The following SVIL variants were observed in gnomAD, a reference collection of about 807,000 sequenced individuals.
SVIL encodes the protein archvillin.
A neutral mutation model predicts 240.4 loss-of-function variants in SVIL; 101 were observed. That is an observed-to-expected ratio of 0.42 (90% CI 0.36 to 0.50). The LOEUF is 0.50. Among genes scored for constraint, SVIL ranks in the 20% least tolerant of loss-of-function variants. SVIL has a pLI of 0.01. For missense variants in SVIL, 2,512 were observed against 2,818.7 expected (o/e 0.89, Z 2.46); for synonymous variants, 999 against 1,100.0 (o/e 0.91, Z 1.82).
intron 22 of SVIL, 28 bp from the exon 23 acceptor site, chr10:29,488,784 C>G (rs372899788): frequency 1.3e-6 from 2 of 1,598,860 alleles, no homozygotes; most frequent in African/African-American, 1.3e-5. Context: ...GGAAACACAA[C>G]GCAGGAGGTT....
chr10:29,566,898 C>T (rs371171350), intron 2 of SVIL, among the ~76,000 whole-genome samples: 1 of 152,314 alleles, frequency 6.6e-6, no homozygotes, highest in East Asian at 1.9e-4. Flanking sequence ...CAGGGTCAAC[C>T]TCTGCAGGCC....
chr10:29,524,749 C>A, intron 13 of SVIL, 34 bp from the exon 14 acceptor site: 1 of 1,607,158 alleles, frequency 6.2e-7, no homozygotes, highest in South Asian at 1.1e-5. Context: ...ACACATATAC[C>A]AACAAACAAA....
At chr10:29,705,177 G>T (rs555697459) in intron 1 of SVIL, among the ~76,000 whole-genome samples, 2 of 152,248 alleles carry the variant, frequency 1.3e-5, no homozygotes, top group East Asian at 3.9e-4. Context: ...CCTCCAATTT[G>T]CAACTTTCCC....
chr10:29,487,340 C>T lies in SVIL; in HGVS notation c.4349-41G>A, dbSNP rs3818541. Reference sequence around the variant, plus strand: ...ACAGTCACCGTCTTTCCAGACAGAACGGGGATAGGACGCACCCCATATCGG... The same window carrying T: ...ACAGTCACCGTCTTTCCAGACAGAATGGGGATAGGACGCACCCCATATCGG... On this transcript the variant is annotated intron_variant, in intron 23 of 37. Coordinates refer to ENST00000355867, the MANE Select transcript of SVIL (RefSeq NM_021738.3). 2.3e-4 allele frequency: 369 copies of T among 1,611,888 alleles called. 2 individuals carry two copies. In the East Asian group the frequency reaches 5.8e-3, roughly 25 times the overall value.
chr10:29,504,467 T>A (rs563287047), intron 17 of SVIL, among the ~76,000 whole-genome samples: 1 of 152,124 alleles, frequency 6.6e-6, no homozygotes, highest in African/African-American at 2.4e-5. Flanking sequence ...ACCCCAAATA[T>A]ACAAAGAACT....
rs541167088 is a variant in SVIL at position 29,629,429 on chromosome 10, A to G, written c.-201+4991T>C. 1.8e-3 allele frequency among the ~76,000 whole-genome samples: 276 copies of G among 152,200 alleles called. 3 individuals are homozygous for G. Among genetic ancestry groups the G allele is most frequent in the Non-Finnish European group, 6.3e-4 (43 of 68,008 alleles). On this transcript the variant is annotated intron_variant, in intron 1 of 37. Coordinates refer to ENST00000355867, the MANE Select transcript of SVIL (RefSeq NM_021738.3). Reference sequence around the variant, plus strand: ...GCATCACCTGGATCCTGTTTGTTGAATCTCTAAGTCCAGTGCAGACCTACT... The same window carrying G: ...GCATCACCTGGATCCTGTTTGTTGAGTCTCTAAGTCCAGTGCAGACCTACT...
At chr10:29,472,854 G>A (rs1467405661) in intron 30 of SVIL, among the ~76,000 whole-genome samples, 3 of 152,166 alleles carry the variant, frequency 2.0e-5, no homozygotes, top group Non-Finnish European at 4.4e-5. Context: ...TTTAGGTGGT[G>A]GGAAGTGCTG....
At chr10:29,630,511 C>T (rs1958044396) in intron 1 of SVIL, among the ~76,000 whole-genome samples, 1 of 152,112 alleles carries the variant, frequency 6.6e-6, no homozygotes, top group Non-Finnish European at 1.5e-5. Flanking sequence ...CAAACTGCTC[C>T]TGAGATGTGT....
At chr10:29,610,459 T>C (rs1957202090) in intron 1 of SVIL, among the ~76,000 whole-genome samples, 1 of 151,376 alleles carries the variant, frequency 6.6e-6, no homozygotes, top group Non-Finnish European at 1.5e-5. Flanking sequence ...TTTTTTTTTT[T>C]TTTTTTTTGA....
intron 2 of SVIL, among the ~76,000 whole-genome samples, chr10:29,683,494 C>G (rs1960821344): frequency 6.6e-6 from 1 of 152,290 alleles, no homozygotes; most frequent in Non-Finnish European, 1.5e-5. Flanking sequence ...GTCTGATTCG[C>G]CCTTCCCATC....
upstream of SVIL, among the ~76,000 whole-genome samples, chr10:29,636,371 G>A (rs1958311440): frequency 1.3e-5 from 2 of 152,132 alleles, no homozygotes; most frequent in Non-Finnish European, 2.9e-5. Flanking sequence ...GAAGATAGGA[G>A]GAGAAAATGA....
chr10:29,626,912 T>C (rs1217771258), intron 1 of SVIL, among the ~76,000 whole-genome samples: 3 of 152,102 alleles, frequency 2.0e-5, no homozygotes, highest in African/African-American at 7.2e-5. Context: ...TAGTTCCAGC[T>C]AGTCAGGAGG....
At chr10:29,706,532 C>T (rs61430845) in intron 1 of SVIL, among the ~76,000 whole-genome samples, 2 of 152,040 alleles carry the variant, frequency 1.3e-5, no homozygotes, top group Non-Finnish European at 2.9e-5. Context: ...GTTTAAGTTC[C>T]TTGCAGATTT....
chr10:29,727,872 G>A (rs1001918021), intron 1 of SVIL, among the ~76,000 whole-genome samples: 8 of 152,108 alleles, frequency 5.3e-5, no homozygotes, highest in African/African-American at 1.9e-4. Flanking sequence ...CAGGACCAAC[G>A]GTAGCCTGCA....
At chr10:29,673,310 G>A (rs1398280648) in intron 2 of SVIL, among the ~76,000 whole-genome samples, 1 of 151,692 alleles carries the variant, frequency 6.6e-6, no homozygotes, top group Admixed American at 6.6e-5. Context: ...TTAATTATAT[G>A]TTAGTAAATA....
intron 2 of SVIL, among the ~76,000 whole-genome samples, chr10:29,665,644 A>C (rs933115883): frequency 6.6e-6 from 1 of 151,944 alleles, no homozygotes; most frequent in African/African-American, 2.4e-5. Context: ...AAATACAAAA[A>C]TTAGCCAGGC....
rs1406369206 is a variant in SVIL, at chr10:29,484,050, C to T, written c.4955+606G>A. On this transcript the variant is annotated intron_variant, in intron 27 of 37. Coordinates refer to ENST00000355867, the MANE Select transcript of SVIL (RefSeq NM_021738.3). This position sits in a 1 kb window ranked among gnomAD's most constrained non-coding sequence, Gnocchi z 4.7. ...ACGTAGGAATTATTTTTTCCAACAT[C>T]ATAATTTCTGACTTTGCACATATTC... 1 of 152,136 alleles carries T rather than the reference C, an allele frequency of 6.6e-6. No individual in the cohort carries two copies. The highest frequency in any genetic ancestry group is 1.5e-5 in the Non-Finnish European group (1 of 68,042). 9.4% of individuals were successfully genotyped at this position (152,136 alleles called of 1,614,324 possible).
At chr10:29,653,347 C>G (rs1958901723) in intron 3 of SVIL, among the ~76,000 whole-genome samples, 1 of 152,164 alleles carries the variant, frequency 6.6e-6, no homozygotes, top group Non-Finnish European at 1.5e-5. Flanking sequence ...CAGGCTGTGT[C>G]TGCTTCCCAT....
intron 1 of SVIL, among the ~76,000 whole-genome samples, chr10:29,610,789 C>T (rs182683584): frequency 2.5e-4 from 38 of 152,270 alleles, no homozygotes; most frequent in African/African-American, 8.2e-4. Context: ...AAAAATCCCA[C>T]CCACCCTTTG....
Sources: allele counts gnomAD v4.1 joint callset (sites outside exome capture counted in the v4.1 genomes callset), GRCh38; gene constraint gnomAD v4.1.1; non-coding constraint Gnocchi (gnomAD v3.1); transcripts MANE v1.5; gene names NCBI Gene and HGNC (gene_info 2026-07-23, HGNC 2026-07-21).